APLF: variants seen among roughly 807,000 people sequenced by gnomAD.
The protein encoded by APLF is aprataxin and PNK-like factor.
In APLF, 61 loss-of-function variants were observed where a neutral mutation model predicts 55.6. That is an observed-to-expected ratio of 1.10 (90% CI 0.89 to 1.36). The LOEUF is 1.36. Among genes scored for constraint, APLF ranks in the 40% most tolerant of loss-of-function variants. The pLI is 0.00. For missense variants in APLF, 611 were observed against 602.5 expected (o/e 1.01, Z -0.15); for synonymous variants, 207 against 214.8 (o/e 0.96, Z 0.32).
intron 1 of APLF, among the ~76,000 whole-genome samples, chr2:68,470,458 C>A (rs776165393): frequency 2.0e-5 from 3 of 152,030 alleles, no homozygotes; most frequent in Non-Finnish European, 4.4e-5. Flanking sequence ...TAAGACGTTA[C>A]CATTAGGGGA....
At chr2:68,545,053 T>C in intron 7 of APLF, 134 bp from the exon 8 acceptor site, 1 of 1,028,916 alleles carries the variant, frequency 9.7e-7, no homozygotes, top group Non-Finnish European at 1.4e-6. Context: ...AATCTGCGCT[T>C]ATGTCATCAA....
intron 1 of APLF, among the ~76,000 whole-genome samples, chr2:68,487,268 G>T (rs1676214056): frequency 1.3e-5 from 2 of 152,022 alleles, no homozygotes; most frequent in African/African-American, 4.8e-5. Context: ...CTGTGTTCTA[G>T]TTTGACAGTT....
At chr2:68,555,668 G>A (rs964523001) in intron 8 of APLF, among the ~76,000 whole-genome samples, 1 of 152,106 alleles carries the variant, frequency 6.6e-6, no homozygotes, top group Non-Finnish European at 1.5e-5. Context: ...CCCTGCGCCT[G>A]CAAGAATGGC....
At chr2:68,477,106 TAC>T (rs769229459) in intron 1 of APLF, among the ~76,000 whole-genome samples, 1 of 152,182 alleles carries the variant, frequency 6.6e-6, no homozygotes, top group Admixed American at 6.5e-5. Flanking sequence ...TATCAAAACA[TAC>T]ACACACAAAC....
At chr2:68,566,575 A>T (rs1326395447) in intron 8 of APLF, among the ~76,000 whole-genome samples, 1 of 152,120 alleles carries the variant, frequency 6.6e-6, no homozygotes, top group Non-Finnish European at 1.5e-5. Context: ...CTCAGCACAT[A>T]TCTGTTGTTA....
In APLF at chr2:68,545,241, A is replaced by T. The variant is rs749471726; in HGVS notation, c.1215A>T (p.Gly405=). Residue 405 remains glycine, a synonymous_variant, in exon 8 of 10, where the codon GGA becomes GGT. Coordinates refer to ENST00000303795, the MANE Select transcript of APLF (RefSeq NM_173545.3). ...HFSHPGDSDY[G]GVQIVGQDET... ...GCCATCCTGGTGATAGTGATTATGG[A>T]GGTGTACAAATCGTGGGCCAAGATG... 5.0e-6 allele frequency: 8 copies of T among 1,613,732 alleles called. No individual in the cohort carries two copies. In the South Asian group the frequency reaches 8.8e-5, roughly 18 times the overall value.
chr2:68,531,493 C>G (rs1354990987), intron 6 of APLF: 6 of 152,254 alleles, frequency 3.9e-5, no homozygotes, highest in Admixed American at 6.5e-5. Context: ...ACCAGCTTCT[C>G]ACTGGAGCCT....
At chr2:68,563,508 C>T (rs1671219472) in intron 8 of APLF, among the ~76,000 whole-genome samples, 1 of 151,978 alleles carries the variant, frequency 6.6e-6, no homozygotes, top group Non-Finnish European at 1.5e-5. Flanking sequence ...TTAAGTTGAA[C>T]CCCACTCCCC....
chr2:68,554,638 G>GTT (rs773690422), intron 8 of APLF, among the ~76,000 whole-genome samples: 2,012 of 139,140 alleles, frequency 0.014, 42 homozygotes, highest in African/African-American at 0.048. Context: ...ATATTCCTAA[G>GTT]TTTTTTTTTT....
intron 1 of APLF, among the ~76,000 whole-genome samples, chr2:68,473,145 G>T (rs907278939): frequency 2.0e-5 from 3 of 152,090 alleles, no homozygotes; most frequent in African/African-American, 7.2e-5. Flanking sequence ...TTGTTCCACT[G>T]CCCTAAAATT....
intron 3 of APLF, among the ~76,000 whole-genome samples, chr2:68,512,018 CTT>C (rs1297306638): frequency 6.6e-6 from 1 of 151,662 alleles, no homozygotes; most frequent in Non-Finnish European, 1.5e-5. Context: ...CTTCTAAAAT[CTT>C]ATATCTTTAG....
intron 8 of APLF, among the ~76,000 whole-genome samples, chr2:68,546,348 A>C (rs534868406): frequency 6.0e-4 from 91 of 152,188 alleles, no homozygotes; most frequent in Admixed American, 1.1e-3. Flanking sequence ...TTTAAAGAAG[A>C]AGCACTTCAT....
intron 7 of APLF, among the ~76,000 whole-genome samples, chr2:68,542,439 C>A (rs1017604909): frequency 3.3e-5 from 5 of 149,706 alleles, no homozygotes; most frequent in African/African-American, 1.3e-4. Flanking sequence ...ACATAAAGAA[C>A]TATAACTAAA....
At chr2:68,471,957 A>C (rs145018750) in intron 1 of APLF, among the ~76,000 whole-genome samples, 21 of 152,308 alleles carry the variant, frequency 1.4e-4, no homozygotes, top group African/African-American at 5.1e-4. Flanking sequence ...ATGAGACATC[A>C]ATCAAATACA....
intron 3 of APLF, among the ~76,000 whole-genome samples, chr2:68,509,762 T>A (rs1360664765): frequency 6.6e-6 from 1 of 151,998 alleles, no homozygotes; most frequent in African/African-American, 2.4e-5. Flanking sequence ...TAAACACACA[T>A]GCACACGTAT....
chr2:68,495,038 C>T (rs984620032), intron 2 of APLF, among the ~76,000 whole-genome samples: 7 of 152,168 alleles, frequency 4.6e-5, no homozygotes, highest in Non-Finnish European at 1.0e-4. Flanking sequence ...GATTAAAATA[C>T]TTCCCACCAG....
intron 5 of APLF, among the ~76,000 whole-genome samples, chr2:68,516,446 T>A (rs988159539): frequency 1.6e-4 from 24 of 151,466 alleles, no homozygotes; most frequent in African/African-American, 5.1e-4. Flanking sequence ...ATATATATAT[T>A]TTTTATTTCA....
intron 5 of APLF, among the ~76,000 whole-genome samples, chr2:68,517,137 A>G (rs1669619202): frequency 8.0e-6 from 1 of 125,286 alleles, no homozygotes; most frequent in African/African-American, 3.2e-5. Context: ...TCTATAACAT[A>G]TTAATATATG....
In APLF at chr2:68,517,078, AAT is replaced by A. The variant is rs557631586; in HGVS notation, c.622+3401_622+3402del. Among the ~76,000 whole-genome samples, 640 of 124,260 alleles carry A rather than the reference AAT, an allele frequency of 5.2e-3. 1 individual carries two copies. The highest frequency in any genetic ancestry group is 8.8e-3 in the Admixed American group (97 of 11,028). 81.5% of individuals were successfully genotyped at this position (124,260 alleles called of 152,430 possible). On this transcript the variant is annotated intron_variant, in intron 5 of 9. Coordinates refer to ENST00000303795, the MANE Select transcript of APLF (RefSeq NM_173545.3). ...ATTAATATATAACATGTTAATATAT[AAT>A]ATGTTATTAATATATAATATACTAA...
Sources: allele counts gnomAD v4.1 joint callset (sites outside exome capture counted in the v4.1 genomes callset), GRCh38; gene constraint gnomAD v4.1.1; transcripts MANE v1.5; gene names NCBI Gene and HGNC (gene_info 2026-07-23, HGNC 2026-07-21).